The following PRKN variants were observed in gnomAD, a reference collection of about 807,000 sequenced individuals.
The protein encoded by PRKN is E3 ubiquitin-protein ligase parkin.
A neutral mutation model predicts 59.5 loss-of-function variants in PRKN; 56 were observed. That is an observed-to-expected ratio of 0.94 (90% confidence interval 0.76 to 1.18). The LOEUF (loss-of-function observed/expected upper bound fraction) is 1.18, where lower values mean the gene tolerates loss of function less well. PRKN is among the 50% of genes most tolerant of loss of function. The pLI, the probability that PRKN is intolerant of heterozygous loss-of-function variation, is 0.00. For synonymous variants in PRKN, 250 were observed against 222.1 expected (o/e 1.13, Z -1.12); for missense variants, 657 against 596.4 (o/e 1.10, Z -1.06).
intron 3 of PRKN, among the ~76,000 whole-genome samples, chr6:162,243,966 T>TA (rs1779096955): frequency 6.6e-6 from 1 of 151,994 alleles, no homozygotes; most frequent in African/African-American, 2.4e-5. Context: ...TAAAAACACA[T>TA]AAAACCAGAT....
intron 4 of PRKN, among the ~76,000 whole-genome samples, chr6:162,127,600 T>G (rs550601365): frequency 6.6e-6 from 1 of 152,128 alleles, no homozygotes; most frequent in Admixed American, 6.6e-5. Context: ...AGGAATCAAA[T>G]GAGAAAAGAA....
intron 2 of PRKN, among the ~76,000 whole-genome samples, chr6:162,373,724 C>T (rs942433271): frequency 6.6e-6 from 1 of 152,060 alleles, no homozygotes; most frequent in Non-Finnish European, 1.5e-5. Flanking sequence ...AGTTTAACAA[C>T]ATCTTAAGAA....
intron 4 of PRKN, among the ~76,000 whole-genome samples, chr6:162,110,364 T>C (rs1554272327): frequency 6.6e-6 from 1 of 152,154 alleles, no homozygotes; most frequent in Non-Finnish European, 1.5e-5. Flanking sequence ...ATCCTAGGGT[T>C]TGGTAAATAG....
Position 162,067,394 on chromosome 6 carries a change from T to G in PRKN, c.535-13220A>C, listed in dbSNP as rs931567725. 1.3e-4 allele frequency among the ~76,000 whole-genome samples: 20 copies of G among 152,158 alleles called. 1 individual carries two copies. The highest frequency in any genetic ancestry group is 4.8e-4 in the African/African-American group (20 of 41,434). On this transcript the variant is annotated intron_variant, in intron 4 of 11. Transcript: ENST00000366898. ...CTATGATCTAAGAAACCAACAAGAATTTTCTTTTACATACATGAGGATGTT... is the reference window on the plus strand; with the variant it reads ...CTATGATCTAAGAAACCAACAAGAAGTTTCTTTTACATACATGAGGATGTT...
chr6:161,476,372 A>G (rs1036905255), intron 9 of PRKN, among the ~76,000 whole-genome samples: 2 of 152,158 alleles, frequency 1.3e-5, no homozygotes, highest in Non-Finnish European at 2.9e-5. Context: ...AGGGAATTCA[A>G]CTGTTTTTAG....
At chr6:161,684,395 T>A (rs944132358) in intron 7 of PRKN, among the ~76,000 whole-genome samples, 5 of 152,122 alleles carry the variant, frequency 3.3e-5, no homozygotes, top group Non-Finnish European at 7.4e-5. Flanking sequence ...CTCAAAAAAA[T>A]ATTTAATAAG....
chr6:161,542,907 C>T (rs1779667728), intron 9 of PRKN, among the ~76,000 whole-genome samples: 1 of 151,998 alleles, frequency 6.6e-6, no homozygotes, highest in African/African-American at 2.4e-5. Flanking sequence ...TAAAAAAACT[C>T]AATATGGTTT....
chr6:162,250,216 A>C (rs1302482490), intron 3 of PRKN, among the ~76,000 whole-genome samples: 5 of 152,112 alleles, frequency 3.3e-5, no homozygotes, highest in Non-Finnish European at 7.4e-5. Context: ...AGTGTAAAAA[A>C]ATAGCCACAA....
At chr6:161,607,675 C>T (rs970485487) in intron 7 of PRKN, among the ~76,000 whole-genome samples, 2 of 152,098 alleles carry the variant, frequency 1.3e-5, no homozygotes, top group African/African-American at 4.8e-5. Flanking sequence ...AAGAATTGAC[C>T]TAACACGTTT....
At chr6:161,638,743 T>G (rs1354900626) in intron 7 of PRKN, among the ~76,000 whole-genome samples, 5 of 139,492 alleles carry the variant, frequency 3.6e-5, no homozygotes, top group Admixed American at 3.5e-4. Flanking sequence ...ATCTGATTTT[T>G]TTTTTTTTTT....
chr6:162,131,758 G>A (rs1188229049), intron 4 of PRKN, among the ~76,000 whole-genome samples: 1 of 152,134 alleles, frequency 6.6e-6, no homozygotes, highest in Non-Finnish European at 1.5e-5. Flanking sequence ...AAAAATGTAA[G>A]ATTTTTTGCA....
chr6:161,819,844 G>A (rs1000394884), intron 6 of PRKN, among the ~76,000 whole-genome samples: 4 of 152,048 alleles, frequency 2.6e-5, no homozygotes, highest in African/African-American at 9.7e-5. Flanking sequence ...TATTTAACAT[G>A]TGCTTAGAAA....
chr6:162,190,866 T>C (rs1009442883), intron 4 of PRKN, among the ~76,000 whole-genome samples: 2 of 152,218 alleles, frequency 1.3e-5, no homozygotes, highest in Admixed American at 1.3e-4. Context: ...AGCACATAAA[T>C]TAACCCACTG....
chr6:162,385,303 G>T (rs930957352), intron 2 of PRKN, among the ~76,000 whole-genome samples: 34 of 152,020 alleles, frequency 2.2e-4, no homozygotes, highest in African/African-American at 7.7e-4. Flanking sequence ...GCCCAACATG[G>T]TATAAAGCAA....
chr6:162,424,267 T>C (rs963531255), intron 2 of PRKN, among the ~76,000 whole-genome samples: 1 of 152,094 alleles, frequency 6.6e-6, no homozygotes, highest in Non-Finnish European at 1.5e-5. Flanking sequence ...GGTGATGAGG[T>C]AGAGCACAGA....
At position 162,647,947 on chromosome 6, in the gene PRKN, TGCAA is replaced by T. The variant is rs1291105162; in HGVS notation, c.7+79711_7+79714del. Among the ~76,000 whole-genome samples the T allele has an allele frequency of 3.2e-4, 5 of 15,558 alleles. 1 individual carries two copies. Among genetic ancestry groups the T allele is most frequent in the Middle Eastern group, 0.05 (1 of 20 alleles). 10.2% of individuals were successfully genotyped at this position (15,558 alleles called of 152,430 possible). A position where few individuals can be genotyped will look rare whatever the true frequency, so the allele number is the denominator to read the frequency against. ...TAGAACCATCTCTATATGTCCACAG[TGCAA>T]AAAAAAAAAAAAAAAAAAAAAAAAA... On this transcript the variant is annotated intron_variant, in intron 1 of 11. Transcript: ENST00000366898.
At chr6:162,213,308 A>G (rs1433023748) in intron 3 of PRKN, among the ~76,000 whole-genome samples, 1 of 152,306 alleles carries the variant, frequency 6.6e-6, no homozygotes, top group East Asian at 1.9e-4. Context: ...AAATAATGAA[A>G]CAATCAAGAC....
At chr6:162,528,197 C>G (rs1778369067) in intron 1 of PRKN, among the ~76,000 whole-genome samples, 1 of 151,880 alleles carries the variant, frequency 6.6e-6, no homozygotes, top group Non-Finnish European at 1.5e-5. Context: ...TGGTGGGTGC[C>G]TGTAATCCCA....
intron 7 of PRKN, among the ~76,000 whole-genome samples, chr6:161,778,225 A>G (rs887094840): frequency 1.3e-5 from 2 of 152,102 alleles, no homozygotes; most frequent in Non-Finnish European, 2.9e-5. Context: ...GTGGTGATCA[A>G]AGTCCTTTGG....
Sources: gnomAD v4.1 joint callset for allele counts (sites outside exome capture counted in the v4.1 genomes callset) on GRCh38, gnomAD v4.1.1 for gene constraint, MANE v1.5 for transcripts, NCBI Gene and HGNC (gene_info 2026-07-23, HGNC 2026-07-21) for gene names.